Variants in ADAMTSL1 observed in about 807,000 individuals in gnomAD.
ADAMTSL1 encodes ADAMTS like 1.
ADAMTSL1 carries 126 observed loss-of-function variants against 201.8 expected under a neutral mutation model. The ratio of observed to expected loss-of-function variants is 0.62; its 90% CI spans 0.54 to 0.72. The LOEUF is 0.72. ADAMTSL1 is among the 30% of genes least tolerant of loss of function. The pLI, the probability that ADAMTSL1 is intolerant of heterozygous loss-of-function variation, is 0.00. For synonymous variants in ADAMTSL1, 1,121 were observed against 903.4 expected (o/e 1.24, Z -4.32); for missense variants, 2,679 against 2,277.8 (o/e 1.18, Z -3.59).
intron 23 of ADAMTSL1, among the ~76,000 whole-genome samples, chr9:18,875,821 C>T (rs1828111237): frequency 1.3e-5 from 2 of 152,112 alleles, no homozygotes; most frequent in South Asian, 4.1e-4. Flanking sequence ...TCTTGATGAC[C>T]TGTCTAGTGC....
At chr9:18,833,411 G>A (rs1354629911) in intron 23 of ADAMTSL1, among the ~76,000 whole-genome samples, 1 of 152,204 alleles carries the variant, frequency 6.6e-6, no homozygotes, top group Non-Finnish European at 1.5e-5. Flanking sequence ...ACTGGTGTGA[G>A]ATGGTGTCTC....
intron 14 of ADAMTSL1, among the ~76,000 whole-genome samples, chr9:18,708,779 C>G (rs1190165710): frequency 1.3e-5 from 2 of 152,198 alleles, no homozygotes; most frequent in Non-Finnish European, 2.9e-5. Context: ...AGTTACAAGT[C>G]AAGCCTGGAA....
At chr9:18,191,627 G>A (rs945657551) in intron 2 of ADAMTSL1, among the ~76,000 whole-genome samples, 1 of 152,112 alleles carries the variant, frequency 6.6e-6, no homozygotes. Context: ...CTTCTTCCCT[G>A]AATCTAATTA....
chr9:18,633,909 A>T (rs992274649), intron 5 of ADAMTSL1, among the ~76,000 whole-genome samples: 1 of 109,338 alleles, frequency 9.1e-6, no homozygotes, highest in African/African-American at 3.3e-5. Flanking sequence ...ACACTATTTA[A>T]AAAAAAAATA....
intron 27 of ADAMTSL1, among the ~76,000 whole-genome samples, chr9:18,906,477 A>G (rs564009040): frequency 2.0e-5 from 3 of 152,328 alleles, no homozygotes; most frequent in African/African-American, 7.2e-5. Flanking sequence ...TATTCATTAC[A>G]GAGAAGAGCA....
chr9:18,061,087 G>A (rs1234880925), intron 1 of ADAMTSL1, among the ~76,000 whole-genome samples: 2 of 152,150 alleles, frequency 1.3e-5, no homozygotes, highest in South Asian at 2.1e-4. Context: ...TTATTTTTTG[G>A]TTTAGAAAAT....
At chr9:18,818,412 T>C (rs566577466) in intron 21 of ADAMTSL1, among the ~76,000 whole-genome samples, 2 of 152,290 alleles carry the variant, frequency 1.3e-5, no homozygotes, top group East Asian at 3.9e-4. Flanking sequence ...TTAGAGTAAG[T>C]AGGAGGAATA....
intron 1 of ADAMTSL1, among the ~76,000 whole-genome samples, chr9:17,991,326 G>C (rs13293383): frequency 1.3e-5 from 2 of 152,056 alleles, no homozygotes; most frequent in African/African-American, 4.8e-5. Context: ...TAAACATGTG[G>C]AAAAAGAACA....
intron 2 of ADAMTSL1, among the ~76,000 whole-genome samples, chr9:18,280,649 G>A (rs1832747831): frequency 6.6e-6 from 1 of 151,962 alleles, no homozygotes; most frequent in African/African-American, 2.4e-5. Flanking sequence ...CATGTGTTAA[G>A]GTTTTTAATT....
chr9:18,548,171 T>C (rs1424443718), intron 3 of ADAMTSL1, among the ~76,000 whole-genome samples: 1 of 152,040 alleles, frequency 6.6e-6, no homozygotes, highest in Non-Finnish European at 1.5e-5. Flanking sequence ...GGCACATTTG[T>C]GGTCATTCAT....
intron 2 of ADAMTSL1, among the ~76,000 whole-genome samples, chr9:18,308,232 G>C (rs1251525418): frequency 6.6e-6 from 1 of 152,126 alleles, no homozygotes; most frequent in African/African-American, 2.4e-5. Flanking sequence ...ATGCCCACAG[G>C]AGAGAGGGGG....
At chr9:18,665,710 T>A (rs1829389307) in intron 9 of ADAMTSL1, among the ~76,000 whole-genome samples, 1 of 152,110 alleles carries the variant, frequency 6.6e-6, no homozygotes, top group Non-Finnish European at 1.5e-5. Flanking sequence ...TCCTCCTCCT[T>A]ACACTCACTG....
At chr9:18,054,751 A>G (rs575148784) in intron 1 of ADAMTSL1, among the ~76,000 whole-genome samples, 1 of 152,356 alleles carries the variant, frequency 6.6e-6, no homozygotes, top group African/African-American at 2.4e-5. Flanking sequence ...AAACCCTTTT[A>G]TCAAGGCTGT....
At chr9:18,697,855 A>G (rs1046801893) in intron 13 of ADAMTSL1, among the ~76,000 whole-genome samples, 1 of 152,204 alleles carries the variant, frequency 6.6e-6, no homozygotes, top group African/African-American at 2.4e-5. Context: ...GAGTTCCATT[A>G]TGGACATTTT....
chr9:18,213,197 T>A (rs1388063139), intron 2 of ADAMTSL1, among the ~76,000 whole-genome samples: 2 of 152,202 alleles, frequency 1.3e-5, no homozygotes, highest in Non-Finnish European at 2.9e-5. Flanking sequence ...TTATTTAATA[T>A]CTTTTTCACC....
intron 1 of ADAMTSL1, among the ~76,000 whole-genome samples, chr9:18,496,241 C>A (rs1023636303): frequency 2.6e-5 from 4 of 152,144 alleles, no homozygotes; most frequent in African/African-American, 9.7e-5. Context: ...TACTGCAATA[C>A]TAAGAGCTTA....
chr9:18,118,221 C>G (rs1280900649), intron 1 of ADAMTSL1, among the ~76,000 whole-genome samples: 1 of 152,184 alleles, frequency 6.6e-6, no homozygotes, highest in African/African-American at 2.4e-5. Flanking sequence ...AGACGGACAA[C>G]AATTCTGGTT....
rs548338651 is a variant in ADAMTSL1, at chr9:18,066,345, T to C, written c.88-97517T>C. 1.4e-4 allele frequency among the ~76,000 whole-genome samples: 21 copies of C among 152,282 alleles called. No individual in the cohort carries two copies. The South Asian group carries it at 1.7e-3, about 12-fold the overall frequency. ...CCAGGGTAACTAGTGTTCAGTTACA[T>C]AGAGAAAGATAGTTACAAATGTTTA... On this transcript the variant is annotated intron_variant, in intron 1 of 29. Transcript: ENST00000680146.
chr9:18,680,730 G>T, intron 11 of ADAMTSL1: 1 of 568,730 alleles, frequency 1.8e-6, no homozygotes, highest in Non-Finnish European at 3.1e-6. Flanking sequence ...GTTTCTTCAA[G>T]AAGCCTCTAT....
Sources: allele counts gnomAD v4.1 joint callset (sites outside exome capture counted in the v4.1 genomes callset), GRCh38; gene constraint gnomAD v4.1.1; transcripts MANE v1.5; gene names NCBI Gene and HGNC (gene_info 2026-07-23, HGNC 2026-07-21).